The following SLC43A1 variants were observed in gnomAD, a reference collection of about 807,000 sequenced individuals.
The protein encoded by SLC43A1 is solute carrier family 43 member 1.
SLC43A1 carries 31 observed loss-of-function variants against 59.5 expected under a neutral mutation model. That is an observed-to-expected ratio of 0.52 (90% CI 0.39 to 0.70). SLC43A1 has a LOEUF of 0.70. Ranked by LOEUF, SLC43A1 falls within the 30% of genes least tolerant of loss-of-function variation. The probability of loss-of-function intolerance (pLI) is 0.00; values close to 1 mark genes in which losing one functional copy is unlikely to be tolerated. For missense variants in SLC43A1, 598 were observed against 717.8 expected (o/e 0.83, Z 1.91); for synonymous variants, 259 against 290.9 (o/e 0.89, Z 1.12).
chr11:57,505,373 G>A (rs1944369264), intron 2 of SLC43A1, among the ~76,000 whole-genome samples: 1 of 152,046 alleles, frequency 6.6e-6, no homozygotes, highest in African/African-American at 2.4e-5. Context: ...TTAGCCGGGT[G>A]TAGTGGTGGG....
At position 57,514,253 on chromosome 11, in the gene SLC43A1, CT is replaced by C; in HGVS notation, c.-13-130del. The C allele has an allele frequency of 1.7e-6, 2 of 1,143,758 alleles. No homozygotes were observed. The highest frequency in any genetic ancestry group is 2.4e-6 in the Non-Finnish European group (2 of 834,870). 70.9% of individuals were successfully genotyped at this position (1,143,758 alleles called of 1,614,324 possible). A position where few individuals can be genotyped will look rare whatever the true frequency, so the allele number is the denominator to read the frequency against. ...CCCCTCATGGAGGCCCCATAGAGCCCTGGGCTTCCCAGCCGGTGCCAAGGAG... is the reference window on the plus strand; with the variant it reads ...CCCCTCATGGAGGCCCCATAGAGCCCGGGCTTCCCAGCCGGTGCCAAGGAG... On this transcript the variant is annotated intron_variant, in intron 1 of 14. Transcript: ENST00000278426. This position sits in a 1 kb window ranked among gnomAD's most constrained non-coding sequence, Gnocchi z 5.5.
chr11:57,487,242 A>G, intron 13 of SLC43A1, 24 bp from the exon 14 acceptor site: 1 of 1,607,972 alleles, frequency 6.2e-7, no homozygotes, highest in South Asian at 1.1e-5. Context: ...GGGGAGTATC[A>G]GGGGTGTGTG....
At chr11:57,511,684 T>C (rs1210236375) in intron 2 of SLC43A1, among the ~76,000 whole-genome samples, 1 of 152,172 alleles carries the variant, frequency 6.6e-6, no homozygotes, top group South Asian at 2.1e-4. Flanking sequence ...AGAATGGTGG[T>C]TGATCCATAC....
At chr11:57,508,721 A>G (rs753284678) in intron 2 of SLC43A1, among the ~76,000 whole-genome samples, 27 of 152,254 alleles carry the variant, frequency 1.8e-4, no homozygotes, top group Admixed American at 1.8e-3. Context: ...GTGAGTCCAG[A>G]AGTTCAAGGC....
chr11:57,514,322 C>A lies in SLC43A1; in HGVS notation c.-13-198G>T. 6.8e-6 allele frequency: 4 copies of A among 584,322 alleles called. No individual in the cohort carries two copies. Among genetic ancestry groups the A allele is most frequent in the Non-Finnish European group, 1.2e-5 (4 of 337,558 alleles). 36.2% of individuals were successfully genotyped at this position (584,322 alleles called of 1,614,324 possible). A position where few individuals can be genotyped will look rare whatever the true frequency, so the allele number is the denominator to read the frequency against. On this transcript the variant is annotated intron_variant, in intron 1 of 14. Transcript: ENST00000278426. The surrounding 1 kb of genome is among the most constrained non-coding windows in gnomAD (Gnocchi z 5.5). ...AGCAGTGCCAGAGGTGCACGCGGCA[C>A]GGGGCTCCCGCTGAGCCACTATCGG... is the stretch of plus-strand genomic sequence containing the variant.
Position 57,487,098 on chromosome 11 carries a change from G to A in SLC43A1, c.1530C>T (p.Phe510=). The change falls in exon 14 of 15, where the codon TTC becomes TTT. Residue 510 remains phenylalanine (F), a synonymous_variant. Coordinates refer to ENST00000278426, the MANE Select transcript of SLC43A1 (RefSeq NM_003627.6). The stretch of plus-strand genomic sequence containing the variant: ...CCACACCAACCCTCGCTCTCACCCA[G>A]AAGGGCTCTCCTTTCAGGGGTCCCA... ...AMVGPLKGEP[F]WVNLGLLLFS... 2 of 1,613,886 alleles carry A rather than the reference G, an allele frequency of 1.2e-6. No individual in the cohort carries two copies. Among genetic ancestry groups the A allele is most frequent in the Non-Finnish European group, 1.7e-6 (2 of 1,179,948 alleles).
chr11:57,490,261 A>G (rs1044833220), intron 11 of SLC43A1, among the ~76,000 whole-genome samples: 2 of 151,456 alleles, frequency 1.3e-5, no homozygotes, highest in African/African-American at 4.9e-5. Flanking sequence ...GTGAGCTGAG[A>G]TCGTGCCACT....
chr11:57,514,066 C>A lies in SLC43A1; in HGVS notation c.46G>T (p.Ala16Ser), dbSNP rs921162889. ...QQAYRRRWWMACTAVLENLFF... is the reference protein window; with the variant it reads ...QQAYRRRWWMSCTAVLENLFF... ...AGGTTCTCCAGCACAGCCGTGCAGG[C>A]CATCCACCAGCGCCTCCGGTACGCC... Residue 16 changes from alanine (A) to serine (S), a missense_variant, in exon 2 of 15, where the codon GCC becomes TCC. Ala to Ser is a moderately conservative substitution (Grantham distance 99). Transcript: ENST00000278426. This position sits in a 1 kb window ranked among gnomAD's most constrained non-coding sequence, Gnocchi z 5.5. The A allele has an allele frequency of 1.9e-6, 3 of 1,606,236 alleles. No homozygotes were observed. Among genetic ancestry groups the A allele is most frequent in the Non-Finnish European group, 2.6e-6 (3 of 1,176,458 alleles).
Position 57,510,059 on chromosome 11 carries a change from AGCCAATAAGCACAGGAAAAGAT to A in SLC43A1, c.154+3877_154+3898del, listed in dbSNP as rs532116386. On this transcript the variant is annotated intron_variant, in intron 2 of 14. Transcript: ENST00000278426. ...GACCTTTCTCCAAAGATATACCAAAAGCCAATAAGCACAGGAAAAGATGCTCAACATCATTGATCAGTAGGGA... is the reference window on the plus strand; with the variant it reads ...GACCTTTCTCCAAAGATATACCAAAAGCTCAACATCATTGATCAGTAGGGA... Among the ~76,000 whole-genome samples the A allele has an allele frequency of 2.6e-3, 402 of 152,338 alleles. 2 individuals carry two copies. The highest frequency in any genetic ancestry group is 0.026 in the East Asian group (134 of 5,180).
At chr11:57,487,550 TACTATG>T (rs774889534) in intron 13 of SLC43A1, among the ~76,000 whole-genome samples, 3 of 152,066 alleles carry the variant, frequency 2.0e-5, no homozygotes, top group Non-Finnish European at 4.4e-5. Context: ...GCTGAGAACC[TACTATG>T]TGCCAGGCAC....
At chr11:57,498,788 C>T (rs1944163686) in intron 5 of SLC43A1, among the ~76,000 whole-genome samples, 1 of 152,136 alleles carries the variant, frequency 6.6e-6, no homozygotes. Flanking sequence ...AGGGTCAGAA[C>T]CCACACCAGG....
At chr11:57,509,157 A>G (rs1944463996) in intron 2 of SLC43A1, among the ~76,000 whole-genome samples, 1 of 152,002 alleles carries the variant, frequency 6.6e-6, no homozygotes. Flanking sequence ...GGTCACCTCT[A>G]GTAATCCCTA....
At chr11:57,500,630 C>G in intron 5 of SLC43A1, 149 bp downstream of exon 5, 1 of 710,652 alleles carries the variant, frequency 1.4e-6, no homozygotes. Context: ...TTTGCAGCCA[C>G]CTGCACAGTT....
rs759618486 is a variant in SLC43A1, at chr11:57,491,277, C to A, written c.1140G>T (p.Arg380=). The change falls in exon 11 of 15, where the codon CGG becomes CGT. Residue 380 remains arginine (R), a synonymous_variant. Coordinates refer to ENST00000278426, the MANE Select transcript of SLC43A1 (RefSeq NM_003627.6). ...CPLIGYIMDW[R]IKDCVDAPTQ... ...TTGGGGCGTCCACGCAGTCCTTGAT[C>A]CGCCAGTCCATGATGTAGCCAATGA... The A allele has an allele frequency of 1.2e-6, 2 of 1,611,272 alleles. No individual in the cohort carries two copies. The highest frequency in any genetic ancestry group is 1.7e-6 in the Non-Finnish European group (2 of 1,178,502).
chr11:57,487,936 C>T (rs1366612268), intron 13 of SLC43A1, among the ~76,000 whole-genome samples: 1 of 152,142 alleles, frequency 6.6e-6, no homozygotes, highest in Admixed American at 6.6e-5. Context: ...AGCACTGTGG[C>T]TGTGGCAGAG....
intron 2 of SLC43A1, among the ~76,000 whole-genome samples, chr11:57,506,101 T>A (rs1156550400): frequency 1.3e-5 from 2 of 152,208 alleles, no homozygotes; most frequent in Admixed American, 6.5e-5. Context: ...ATCCCGGCAC[T>A]TTGGGAGGCC....
intron 2 of SLC43A1, among the ~76,000 whole-genome samples, chr11:57,504,323 C>T (rs768176835): frequency 1.3e-5 from 2 of 152,210 alleles, no homozygotes; most frequent in Non-Finnish European, 2.9e-5. Context: ...TTTTAATTCC[C>T]AGACATTGCT....
intron 5 of SLC43A1, among the ~76,000 whole-genome samples, chr11:57,500,001 A>G (rs567370575): frequency 1.0e-3 from 159 of 152,286 alleles, no homozygotes; most frequent in African/African-American, 3.5e-3. Flanking sequence ...AAATTCAGCC[A>G]AAACCACCCA....
At chr11:57,489,886 T>A (rs1419740481) in intron 11 of SLC43A1, among the ~76,000 whole-genome samples, 1 of 152,142 alleles carries the variant, frequency 6.6e-6, no homozygotes, top group Non-Finnish European at 1.5e-5. Context: ...GCTTCCTCTC[T>A]CCGGCACAAT....
Sources: gnomAD v4.1 joint callset for allele counts (sites outside exome capture counted in the v4.1 genomes callset) on GRCh38, gnomAD v4.1.1 for gene constraint, Gnocchi (gnomAD v3.1) non-coding constraint, MANE v1.5 for transcripts, NCBI Gene and HGNC (gene_info 2026-07-23, HGNC 2026-07-21) for gene names.